The following BBS2 variants were observed in gnomAD, a reference collection of about 807,000 sequenced individuals.
BBS2 encodes the protein Bardet-Biedl syndrome 2.
BBS2 carries 62 observed loss-of-function variants against 83.0 expected under a neutral mutation model. The observed-to-expected ratio is 0.75, with a 90% CI of 0.61 to 0.92. The LOEUF is 0.92. Among genes scored for constraint, BBS2 ranks in the 40% least tolerant of loss-of-function variants. The probability of loss-of-function intolerance (pLI) is 0.00; values close to 1 mark genes in which losing one functional copy is unlikely to be tolerated. For missense variants in BBS2, 784 were observed against 901.0 expected, an observed-to-expected ratio of 0.87 and a Z score of 1.66; for synonymous variants, 303 against 326.1, an observed-to-expected ratio of 0.93 and a Z score of 0.76.
chr16:56,471,623 A>G lies in BBS2; in HGVS notation c.*1-928T>C, dbSNP rs76457341. 3.1e-3 allele frequency among the ~76,000 whole-genome samples: 475 copies of G among 152,348 alleles called. 13 individuals carry two copies. The South Asian group carries it at 0.056, about 18-fold the overall frequency. Reference sequence around the variant, plus strand: ...TCCCTGCTTCCACTCAAATTTCTTGAGAACCCTGTGCAGTTAGGAGAGCAG... The same window carrying G: ...TCCCTGCTTCCACTCAAATTTCTTGGGAACCCTGTGCAGTTAGGAGAGCAG... On this transcript the variant is annotated intron_variant, in intron 17 of 17. Transcript: ENST00000682047.
At chr16:56,496,558 T>C (rs1474080760) in intron 15 of BBS2, among the ~76,000 whole-genome samples, 1 of 152,248 alleles carries the variant, frequency 6.6e-6, no homozygotes, top group Non-Finnish European at 1.5e-5. Flanking sequence ...GCTTATCAGA[T>C]TTTTCCTTGC....
downstream of BBS2, among the ~76,000 whole-genome samples, chr16:56,483,922 A>T (rs1800957424): frequency 3.9e-5 from 6 of 152,108 alleles, no homozygotes; most frequent in South Asian, 1.2e-3. Context: ...GCTGGTCTCA[A>T]ACTCCTGACC....
rs1567553989 is a variant in BBS2 at position 56,470,783 on chromosome 16, C to CA, written c.*1-89dup. On this transcript the variant is annotated intron_variant, in intron 17 of 17. Coordinates refer to the BBS2 transcript ENST00000682047. ...GACCCAGAGCCAGAGGAAAATGAAACAAAGAAAGGTAAGCTGTTGTTAGGA... is the reference window on the plus strand; with the variant it reads ...GACCCAGAGCCAGAGGAAAATGAAACAAAAGAAAGGTAAGCTGTTGTTAGGA... 3.8e-6 allele frequency: 6 copies of CA among 1,591,656 alleles called. No individual in the cohort carries two copies. In the South Asian group the frequency reaches 6.9e-5, roughly 18 times the overall value.
rs1333585449 is a variant in BBS2 at position 56,507,240 on chromosome 16, T to C, written c.613-1016A>G. Among the ~76,000 whole-genome samples the C allele has an allele frequency of 3.3e-5, 5 of 152,266 alleles. No homozygotes were observed. In the East Asian group the frequency reaches 9.6e-4, roughly 29 times the overall value. ...GGAAAATGGCCCTGCAAGTGAACAATGTTATGAAGTCCATATTTTCATAAA... is the reference window on the plus strand; with the variant it reads ...GGAAAATGGCCCTGCAAGTGAACAACGTTATGAAGTCCATATTTTCATAAA... On this transcript the variant is annotated intron_variant, in intron 5 of 16. Transcript: ENST00000245157.
In BBS2 at chr16:56,484,466, A is replaced by G. The variant is rs1433986934; in HGVS notation, c.*295T>C. On this transcript the variant is annotated 3_prime_UTR_variant, in exon 17 of 17. Coordinates refer to ENST00000245157, the MANE Select transcript of BBS2 (RefSeq NM_031885.5). The stretch of plus-strand genomic sequence containing the variant: ...TCAATTGCAATTTCAAGAAAAAAAT[A>G]TGTATTTATATACCATAAATAAGCA... 4.5e-6 allele frequency: 1 copy of G among 224,492 alleles called. No individual in the cohort carries two copies. Among genetic ancestry groups the G allele is most frequent in the East Asian group, 9.4e-5 (1 of 10,650 alleles). The allele number at this position is 224,492 out of a possible 1,614,324, so 13.9% of individuals were successfully genotyped here.
rs1185965679 is a variant in BBS2, at chr16:56,510,860, T to G, written c.533A>C (p.Glu178Ala). The G allele has an allele frequency of 6.2e-7, 1 of 1,613,930 alleles. No individual in the cohort carries two copies. The highest frequency in any genetic ancestry group is 8.5e-7 in the Non-Finnish European group (1 of 1,179,984). Residue 178 changes from glutamate to alanine, a missense_variant and splice_region_variant, in exon 4 of 17, where the codon GAG (glutamate) becomes GCG (alanine). Transcript: ENST00000245157. ...LCDFDGDGKK[E>A]LLVGSEDFDI... ...AGAGATATCTCCTCCCCCACATACC[T>G]CTTTCTTTCCATCACCATCAAAGTC... is the stretch of plus-strand genomic sequence containing the variant.
chr16:56,480,239 G>C (rs1343858977), downstream of BBS2, among the ~76,000 whole-genome samples: 1 of 150,316 alleles, frequency 6.7e-6, no homozygotes, highest in Non-Finnish European at 1.5e-5. Context: ...GGTTCCAAAA[G>C]AAAGAATCTG....
chr16:56,485,504 T>C, intron 16 of BBS2, 86 bp downstream of exon 16: 4 of 1,524,564 alleles, frequency 2.6e-6, no homozygotes, highest in Non-Finnish European at 3.6e-6. Flanking sequence ...AGCCCCAATA[T>C]GAATTATTGG....
intron 17 of BBS2, among the ~76,000 whole-genome samples, chr16:56,474,340 G>A: frequency 7.8e-6 from 1 of 128,204 alleles, no homozygotes. Context: ...TTTTTTTTGA[G>A]ATGGAGTTTC....
At chr16:56,514,343 T>C (rs1964669629) in intron 2 of BBS2, 110 bp downstream of exon 2, 3 of 991,780 alleles carry the variant, frequency 3.0e-6, no homozygotes, top group East Asian at 2.5e-5. Context: ...ACCTATACTA[T>C]AACAGTCATA....
At chr16:56,519,032 G>A (rs1281013187) in intron 1 of BBS2, among the ~76,000 whole-genome samples, 7 of 152,100 alleles carry the variant, frequency 4.6e-5, no homozygotes, top group African/African-American at 1.7e-4. Flanking sequence ...GTCGTTGTTC[G>A]GTAAAGGACT....
intron 7 of BBS2, among the ~76,000 whole-genome samples, chr16:56,504,561 T>C (rs573577078): frequency 6.6e-6 from 1 of 152,374 alleles, no homozygotes; most frequent in South Asian, 2.1e-4. Flanking sequence ...CCTTTTTGTA[T>C]ATTTCTGTTA....
At chr16:56,519,358 A>G (rs1174784450) in intron 1 of BBS2, among the ~76,000 whole-genome samples, 1 of 150,796 alleles carries the variant, frequency 6.6e-6, no homozygotes, top group Admixed American at 6.6e-5. Context: ...AAGGAAGAAG[A>G]AGCAGTGTTA....
chr16:56,519,772 G>GGC lies in BBS2; in HGVS notation c.89_90dup (p.Leu31AlafsTer49). 7.4e-6 allele frequency: 12 copies of GGC among 1,613,564 alleles called. No homozygotes were observed. The highest frequency in any genetic ancestry group is 1.0e-5 in the Non-Finnish European group (12 of 1,179,694). On this transcript the variant is annotated frameshift_variant, in exon 1 of 17. Coordinates refer to ENST00000245157, the MANE Select transcript of BBS2 (RefSeq NM_031885.5). LOFTEE classifies it high-confidence loss of function. ...TTGCCCGTTTGGGTGGCGGCCGCCA[G>GGC]GCACGGGTGAGTCCCGTCGTAGCGC...
chr16:56,502,226 G>T, intron 9 of BBS2, 91 bp downstream of exon 9: 1 of 1,556,478 alleles, frequency 6.4e-7, no homozygotes, highest in Non-Finnish European at 8.9e-7. Flanking sequence ...CCCTGGCAAT[G>T]ACACTCTCAT....
chr16:56,479,133 G>A (rs972964204), intron 17 of BBS2: 19 of 152,136 alleles, frequency 1.2e-4, no homozygotes, highest in Non-Finnish European at 2.2e-4. Flanking sequence ...ATTCTTAATA[G>A]TGAGTCTCCA....
intron 12 of BBS2, 93 bp downstream of exon 12, chr16:56,499,685 A>G (rs1175595606): frequency 6.5e-6 from 10 of 1,546,386 alleles, no homozygotes; most frequent in Admixed American, 1.7e-5. Context: ...TGCTACCAAT[A>G]TAACACATTA....
At chr16:56,488,668 T>C (rs1963855912) in intron 15 of BBS2, among the ~76,000 whole-genome samples, 1 of 152,162 alleles carries the variant, frequency 6.6e-6, no homozygotes, top group Admixed American at 6.5e-5. Flanking sequence ...TGGGCATGAC[T>C]GACTAAACCA....
At position 56,497,001 on chromosome 16, in the gene BBS2, C is replaced by T; in HGVS notation, c.1876G>A (p.Val626Ile). ...DHSNLIRSLL[V>I]GAEDARLMRD... Reference sequence around the variant, plus strand: ...ATCAGACGAGCATCCTCAGCTCCGACCAGCAAACTTCGGATCAAATTAGAA... The same window carrying T: ...ATCAGACGAGCATCCTCAGCTCCGATCAGCAAACTTCGGATCAAATTAGAA... Residue 626 changes from valine to isoleucine, a missense_variant, in exon 15 of 17, where the codon GTC becomes ATC. Val to Ile is a conservative substitution (Grantham distance 29). Transcript: ENST00000245157. 3.1e-6 allele frequency: 5 copies of T among 1,614,084 alleles called. No homozygotes were observed. The highest frequency in any genetic ancestry group is 3.4e-6 in the Non-Finnish European group (4 of 1,179,948).
Sources: gnomAD v4.1 joint callset for allele counts (sites outside exome capture counted in the v4.1 genomes callset) on GRCh38, gnomAD v4.1.1 for gene constraint, MANE v1.5 for transcripts, NCBI Gene and HGNC (gene_info 2026-07-23, HGNC 2026-07-21) for gene names.